The following KLF8 variants were observed in gnomAD, a reference collection of about 807,000 sequenced individuals.
KLF8 encodes KLF transcription factor 8, also known as Krueppel-like factor 8.
In KLF8, 10 loss-of-function variants were observed where a neutral mutation model predicts 18.2. The observed-to-expected ratio is 0.55, with a 90% CI of 0.34 to 0.93. The LOEUF is 0.93. Ranked by LOEUF, KLF8 falls within the 40% of genes least tolerant of loss-of-function variation. The probability of loss-of-function intolerance (pLI) is 0.02; values close to 1 mark genes in which losing one functional copy is unlikely to be tolerated. For synonymous variants in KLF8, 109 were observed against 97.3 expected, an observed-to-expected ratio of 1.12 and a Z score of -0.71; for missense variants, 264 against 277.9, an observed-to-expected ratio of 0.95 and a Z score of 0.36.
chrX:55,987,168 C>T, the KLF8 span, among the ~76,000 whole-genome samples: 1 of 81,659 alleles, frequency 1.2e-5, no homozygotes, highest in Non-Finnish European at 2.5e-5. Flanking sequence ...AATGGTAGTT[C>T]TGTTTGAAGT....
the KLF8 span, among the ~76,000 whole-genome samples, chrX:55,976,866 C>G: frequency 1.8e-5 from 2 of 111,463 alleles, no homozygotes; most frequent in Non-Finnish European, 3.8e-5. Context: ...TAAGTTTATT[C>G]CTAAAGAATT....
intron 1 of KLF8, among the ~76,000 whole-genome samples, chrX:56,240,439 G>A (rs1368697037): frequency 8.9e-6 from 1 of 112,146 alleles, no homozygotes; most frequent in Non-Finnish European, 1.9e-5. Flanking sequence ...GGAGGAGATT[G>A]TTGCATGAAA....
chrX:56,134,562 G>T, the KLF8 span, among the ~76,000 whole-genome samples: 1 of 111,554 alleles, frequency 9.0e-6, no homozygotes, highest in Non-Finnish European at 1.9e-5. Flanking sequence ...CATTCTAGAA[G>T]ATAACACTGG....
chrX:56,217,913 G>A, the KLF8 span, among the ~76,000 whole-genome samples: 1 of 111,236 alleles, frequency 9.0e-6, no homozygotes, highest in Non-Finnish European at 1.9e-5. Context: ...CAGGCCCTTG[G>A]TGATAGCTGG....
chrX:56,143,472 A>C, the KLF8 span, among the ~76,000 whole-genome samples: 4 of 112,196 alleles, frequency 3.6e-5, no homozygotes, highest in Non-Finnish European at 7.5e-5. Flanking sequence ...TATTTTTCTT[A>C]TTCACTAATA....
chrX:55,990,670 G>A, the KLF8 span, among the ~76,000 whole-genome samples: 2 of 111,927 alleles, frequency 1.8e-5, no homozygotes, highest in Admixed American at 1.9e-4. Flanking sequence ...ACATACAGAT[G>A]GGATTTTGGT....
At chrX:55,957,781 T>C in the KLF8 span, among the ~76,000 whole-genome samples, 1 of 111,620 alleles carries the variant, frequency 9.0e-6, no homozygotes, top group South Asian at 3.7e-4. Flanking sequence ...TCACAGAATA[T>C]TTCTATGCAG....
At chrX:56,055,009 T>A in the KLF8 span, among the ~76,000 whole-genome samples, 1 of 111,967 alleles carries the variant, frequency 8.9e-6, no homozygotes, top group South Asian at 3.7e-4. Flanking sequence ...AGCTTGCCAA[T>A]GGGTCTTGGA....
the KLF8 span, among the ~76,000 whole-genome samples, chrX:56,029,438 TG>T: frequency 9.0e-6 from 1 of 111,288 alleles, no homozygotes. Flanking sequence ...GTAGAAAACC[TG>T]CTTGGTGGAG....
At chrX:56,106,040 T>C in the KLF8 span, among the ~76,000 whole-genome samples, 1 of 111,884 alleles carries the variant, frequency 8.9e-6, no homozygotes, top group Non-Finnish European at 1.9e-5. Flanking sequence ...ATGTTGAATA[T>C]TGGCCCCCAC....
At chrX:56,171,721 C>T in the KLF8 span, among the ~76,000 whole-genome samples, 1 of 111,623 alleles carries the variant, frequency 9.0e-6, no homozygotes, top group Non-Finnish European at 1.9e-5. Flanking sequence ...TTTATGGCTG[C>T]ATAGTATTCC....
At chrX:56,137,499 G>A in the KLF8 span, among the ~76,000 whole-genome samples, 8 of 104,934 alleles carry the variant, frequency 7.6e-5, no homozygotes, top group Non-Finnish European at 1.4e-4. Context: ...GTAAACTATC[G>A]CAAGAACAAA....
chrX:56,051,299 G>T, the KLF8 span, among the ~76,000 whole-genome samples: 1 of 109,828 alleles, frequency 9.1e-6, no homozygotes, highest in Non-Finnish European at 1.9e-5. Context: ...GTGTGAATTT[G>T]ATCCTGTCAT....
chrX:56,116,465 A>G, the KLF8 span, among the ~76,000 whole-genome samples: 1 of 110,680 alleles, frequency 9.0e-6, no homozygotes, highest in East Asian at 2.8e-4. Flanking sequence ...TGTTATAGCC[A>G]GAGGCCCAGA....
At chrX:55,912,004 G>A in the KLF8 span, among the ~76,000 whole-genome samples, 2 of 111,907 alleles carry the variant, frequency 1.8e-5, no homozygotes, top group Admixed American at 1.9e-4. Context: ...CAGCTTGGAA[G>A]ATGGATTTTT....
At chrX:55,957,267 A>G in the KLF8 span, among the ~76,000 whole-genome samples, 18 of 111,845 alleles carry the variant, frequency 1.6e-4, no homozygotes, top group African/African-American at 5.8e-4. Flanking sequence ...TCTTTATGCC[A>G]GTACTACAGT....
chrX:56,138,999 C>T, the KLF8 span, among the ~76,000 whole-genome samples: 2 of 111,030 alleles, frequency 1.8e-5, no homozygotes, highest in African/African-American at 6.5e-5. Flanking sequence ...TGTACAACAG[C>T]ATTTCTACAC....
At chrX:56,152,341 A>C in the KLF8 span, among the ~76,000 whole-genome samples, 2 of 110,831 alleles carry the variant, frequency 1.8e-5, no homozygotes, top group Admixed American at 1.9e-4. Context: ...AGAGATATAG[A>C]GAGCTTAGGC....
chrX:56,072,712 C>T, the KLF8 span, among the ~76,000 whole-genome samples: 494 of 111,900 alleles, frequency 4.4e-3, 6 homozygotes, highest in African/African-American at 0.015. Flanking sequence ...ATATATATAA[C>T]AAAATTTTGG....
Sources: gnomAD v4.1 joint callset for allele counts (sites outside exome capture counted in the v4.1 genomes callset) on GRCh38, gnomAD v4.1.1 for gene constraint, MANE v1.5 for transcripts, NCBI Gene and HGNC (gene_info 2026-07-23, HGNC 2026-07-21) for gene names.